Variants in PRDM11 observed in about 807,000 individuals in gnomAD.
PRDM11 encodes the protein PR domain-containing protein 11.
A neutral mutation model predicts 97.8 loss-of-function variants in PRDM11; 20 were observed. The observed-to-expected ratio is 0.20, with a 90% confidence interval of 0.14 to 0.30. The LOEUF is 0.30. PRDM11 is among the 10% of genes least tolerant of loss of function. The probability of loss-of-function intolerance (pLI) is 1.00; values close to 1 mark genes in which losing one functional copy is unlikely to be tolerated. For synonymous variants in PRDM11, 599 were observed against 637.7 expected, an observed-to-expected ratio of 0.94 and a Z score of 0.91; for missense variants, 1,139 against 1,555.2, an observed-to-expected ratio of 0.73 and a Z score of 4.50.
In PRDM11 at chr11:45,227,453, G is replaced by A. The variant is rs1854303414; in HGVS notation, c.2828G>A (p.Gly943Glu). Residue 943 changes from glycine to glutamate, a missense_variant, in exon 8 of 8, where the codon GGG (glycine) becomes GAG (glutamate). Around this residue, in one of 2 missense-constraint regions of PRDM11, gnomAD observed 710 missense variants for 1,044.9 expected, o/e 0.68. Coordinates refer to ENST00000683152, the MANE Select transcript of PRDM11 (RefSeq NM_001384648.1). This position sits in a 1 kb window ranked among gnomAD's most constrained non-coding sequence, Gnocchi z 8.0. ...GAGAATTTCCGAGAGAGCTTCAACG[G>A]GATCGCCATGAAGAACCTCAGGGTG... ...FEENFRESFN[G>E]IAMKNLRVAE... 1 of 1,533,686 alleles carries A rather than the reference G, an allele frequency of 6.5e-7. No individual in the cohort carries two copies. The highest frequency in any genetic ancestry group is 1.4e-5 in the African/African-American group (1 of 72,944).
rs562520366 is a variant in PRDM11 at position 45,182,024 on chromosome 11, G to A, written c.119+139G>A. The A allele has an allele frequency of 2.6e-3, 2,225 of 855,466 alleles. 6 individuals are homozygous for A. The highest frequency in any genetic ancestry group is 3.5e-3 in the Non-Finnish European group (1,966 of 563,120). The allele number at this position is 855,466 out of a possible 1,614,324, so 53.0% of individuals were successfully genotyped here. A position where few individuals can be genotyped will look rare whatever the true frequency, so the allele number is the denominator to read the frequency against. ...CTGCTCCCGGCAGCTCCTGGGCGCA[G>A]GCTCTAGAAAAATCCAAGCAGTGGC... On this transcript the variant is annotated intron_variant, in intron 2 of 7. Transcript: ENST00000683152.
intron 1 of PRDM11, among the ~76,000 whole-genome samples, chr11:45,159,214 A>G (rs1157441814): frequency 1.3e-5 from 2 of 152,026 alleles, no homozygotes; most frequent in Non-Finnish European, 2.9e-5. Context: ...ACTCACTCTC[A>G]TTTCTTCCTG....
intron 1 of PRDM11, among the ~76,000 whole-genome samples, chr11:45,175,021 G>A (rs1590405926): frequency 6.6e-6 from 1 of 152,166 alleles, no homozygotes; most frequent in South Asian, 2.1e-4. Context: ...CAGCAAAACT[G>A]AGCAGAAACT....
At chr11:45,132,803 A>G (rs1251754228) in intron 1 of PRDM11, among the ~76,000 whole-genome samples, 1 of 152,208 alleles carries the variant, frequency 6.6e-6, no homozygotes, top group Admixed American at 6.5e-5. Context: ...TAGGGAGAAG[A>G]CCCAAAGATA....
intron 1 of PRDM11, among the ~76,000 whole-genome samples, chr11:45,109,536 ACT>A (rs1383114403): frequency 1.3e-5 from 2 of 152,078 alleles, no homozygotes; most frequent in African/African-American, 4.8e-5. Flanking sequence ...GAGGAGCCCT[ACT>A]CATTCTCAAA....
intron 1 of PRDM11, among the ~76,000 whole-genome samples, chr11:45,137,662 TG>T (rs1320398332): frequency 1.3e-5 from 2 of 152,160 alleles, no homozygotes; most frequent in African/African-American, 4.8e-5. Flanking sequence ...ATGGGAGGAC[TG>T]CTTGAACCCA....
chr11:45,213,624 A>T (rs1853859103), intron 5 of PRDM11: 1 of 456,226 alleles, frequency 2.2e-6, no homozygotes, highest in South Asian at 1.5e-5. Context: ...CGTCGGAGGA[A>T]GGAAAAGACT....
At chr11:45,209,989 G>A (rs1176624657) in intron 5 of PRDM11, among the ~76,000 whole-genome samples, 1 of 152,172 alleles carries the variant, frequency 6.6e-6, no homozygotes, top group Non-Finnish European at 1.5e-5. Context: ...GCATGTACGA[G>A]GCCCCGCATC....
upstream of PRDM11, among the ~76,000 whole-genome samples, chr11:45,145,622 C>T (rs903541562): frequency 6.6e-6 from 1 of 152,214 alleles, no homozygotes. Flanking sequence ...CTGGGGTTTA[C>T]TGCCCCAATT....
chr11:45,168,839 G>A (rs528918829), intron 1 of PRDM11, among the ~76,000 whole-genome samples: 3 of 152,298 alleles, frequency 2.0e-5, no homozygotes, highest in South Asian at 4.1e-4. Flanking sequence ...CTTCCCAGCC[G>A]CCACTTTGCC....
chr11:45,217,656 C>T (rs1853997089), intron 5 of PRDM11, among the ~76,000 whole-genome samples: 1 of 152,190 alleles, frequency 6.6e-6, no homozygotes, highest in East Asian at 1.9e-4. Flanking sequence ...CTCCAGTGAT[C>T]CTCCTTGGAA....
chr11:45,140,272 G>C (rs755002098), intron 1 of PRDM11, among the ~76,000 whole-genome samples: 2 of 152,176 alleles, frequency 1.3e-5, no homozygotes, highest in African/African-American at 2.4e-5. Flanking sequence ...TGTGGAAACT[G>C]GTCCCTCACT....
At chr11:45,163,996 T>G (rs891307313) in intron 1 of PRDM11, among the ~76,000 whole-genome samples, 1 of 152,106 alleles carries the variant, frequency 6.6e-6, no homozygotes, top group African/African-American at 2.4e-5. Flanking sequence ...AAGGCGCAGC[T>G]CACGGAGCTC....
At chr11:45,121,971 T>C (rs376831608) in intron 1 of PRDM11, among the ~76,000 whole-genome samples, 2 of 151,698 alleles carry the variant, frequency 1.3e-5, no homozygotes, top group South Asian at 2.1e-4. Context: ...GAAAAAGATA[T>C]ACGGAAAATT....
rs1469258464 is a variant in PRDM11, at chr11:45,183,052, G to A, written c.415G>A (p.Gly139Ser). 1 of 1,614,092 alleles carries A rather than the reference G, an allele frequency of 6.2e-7. No homozygotes were observed. The highest frequency in any genetic ancestry group is 8.5e-7 in the Non-Finnish European group (1 of 1,180,000). ...VRCVNEVIPK[G>S]HIFGPYEGQI... The stretch of plus-strand genomic sequence containing the variant: ...ATGTGTAAACGAGGTCATCCCCAAG[G>A]GCCACATCTTCGGCCCCTATGAGGG... The change falls in exon 4 of 8, where the codon GGC becomes AGC. Residue 139 changes from glycine to serine, a missense_variant. Transcript: ENST00000683152.
chr11:45,200,270 C>T (rs1342902218), intron 4 of PRDM11, among the ~76,000 whole-genome samples: 1 of 152,222 alleles, frequency 6.6e-6, no homozygotes, highest in South Asian at 2.1e-4. Context: ...AGCCCTCACC[C>T]AGTCCTCTCT....
intron 1 of PRDM11, among the ~76,000 whole-genome samples, chr11:45,099,064 G>C (rs1851928574): frequency 6.6e-6 from 1 of 152,180 alleles, no homozygotes; most frequent in Non-Finnish European, 1.5e-5. Flanking sequence ...GCTACTGCAG[G>C]AAGCCAGCTG....
chr11:45,184,454 C>G (rs1366008006), intron 4 of PRDM11, among the ~76,000 whole-genome samples: 1 of 152,146 alleles, frequency 6.6e-6, no homozygotes, highest in East Asian at 1.9e-4. Flanking sequence ...TGTGGGAGTT[C>G]TGTAGTCGGC....
In PRDM11 at chr11:45,183,043, A is replaced by G; in HGVS notation, c.406A>G (p.Ile136Val). The change falls in exon 4 of 8, where the codon ATC (isoleucine) becomes GTC (valine). Residue 136 changes from isoleucine to valine, a missense_variant. Transcript: ENST00000683152. ...ESDVRCVNEV[I>V]PKGHIFGPYE... ...TGACGTGCGATGTGTAAACGAGGTC[A>G]TCCCCAAGGGCCACATCTTCGGCCC... is the stretch of plus-strand genomic sequence containing the variant. The G allele has an allele frequency of 6.2e-7, 1 of 1,614,132 alleles. No homozygotes were observed. Among genetic ancestry groups the G allele is most frequent in the Non-Finnish European group, 8.5e-7 (1 of 1,180,022 alleles).
Sources: gnomAD v4.1 joint callset for allele counts (sites outside exome capture counted in the v4.1 genomes callset) on GRCh38, gnomAD v4.1.1 for gene constraint, gnomAD v4.1.1 regional missense constraint, Gnocchi (gnomAD v3.1) non-coding constraint, MANE v1.5 for transcripts, NCBI Gene and HGNC (gene_info 2026-07-23, HGNC 2026-07-21) for gene names.